The following SPON1 variants were observed in gnomAD, a reference collection of about 807,000 sequenced individuals.
The protein encoded by SPON1 is spondin 1.
In SPON1, 52 loss-of-function variants were observed where a neutral mutation model predicts 111.7. That is an observed-to-expected ratio of 0.47 (90% CI 0.37 to 0.59). The LOEUF (loss-of-function observed/expected upper bound fraction) is 0.59. SPON1 is among the 20% of genes least tolerant of loss of function. The probability of loss-of-function intolerance (pLI) is 0.00; values close to 1 mark genes in which losing one functional copy is unlikely to be tolerated. For synonymous variants in SPON1, 410 were observed against 395.8 expected, an observed-to-expected ratio of 1.04 and a Z score of -0.43; for missense variants, 957 against 1,068.5, an observed-to-expected ratio of 0.90 and a Z score of 1.46.
At chr11:13,968,122 T>C in intron 1 of SPON1, among the ~76,000 whole-genome samples, 1 of 152,224 alleles carries the variant, frequency 6.6e-6, no homozygotes, top group East Asian at 1.9e-4. Context: ...TCCATTTGCT[T>C]GTTATACAGA....
At chr11:14,042,338 T>C (rs1554917375) in intron 3 of SPON1, among the ~76,000 whole-genome samples, 3 of 152,030 alleles carry the variant, frequency 2.0e-5, no homozygotes, top group Non-Finnish European at 4.4e-5. Flanking sequence ...GTGTACTAGA[T>C]ACCCTTCTTA....
chr11:14,231,335 G>A (rs569399372), intron 6 of SPON1, among the ~76,000 whole-genome samples: 19 of 151,898 alleles, frequency 1.3e-4, no homozygotes, highest in East Asian at 3.9e-4. Flanking sequence ...GGGTTTTACC[G>A]TGTTAGCCAG....
chr11:14,214,961 T>C (rs1035100723), intron 6 of SPON1, among the ~76,000 whole-genome samples: 3 of 152,188 alleles, frequency 2.0e-5, no homozygotes, highest in Non-Finnish European at 1.5e-5. Context: ...AGTTTGGAGA[T>C]AGGTAATTCC....
In SPON1 at chr11:14,190,990, ACTT is replaced by A. The variant is rs1554934499; in HGVS notation, c.826-52341_826-52339del. 1.6e-3 allele frequency among the ~76,000 whole-genome samples: 236 copies of A among 152,010 alleles called. 2 individuals are homozygous for A. The highest frequency in any genetic ancestry group is 5.1e-3 in the African/African-American group (210 of 41,308). The stretch of plus-strand genomic sequence containing the variant: ...TGCTGAAAACAAAAAAGAAAAAAGC[ACTT>A]ACAATCCCATCACTTGGTATATAAA... On this transcript the variant is annotated intron_variant, in intron 6 of 15. Transcript: ENST00000576479.
chr11:14,157,192 A>T (rs1274187971), intron 6 of SPON1, among the ~76,000 whole-genome samples: 1 of 151,794 alleles, frequency 6.6e-6, no homozygotes, highest in Non-Finnish European at 1.5e-5. Flanking sequence ...TCCTTCTGGG[A>T]TGATTTCCTT....
intron 2 of SPON1, among the ~76,000 whole-genome samples, chr11:14,021,721 C>G (rs1848482722): frequency 6.6e-6 from 1 of 152,188 alleles, no homozygotes; most frequent in Admixed American, 6.5e-5. Flanking sequence ...TTTCCCAATT[C>G]CTGCTCTAGT....
intron 2 of SPON1, among the ~76,000 whole-genome samples, chr11:14,015,909 G>A (rs542387426): frequency 6.6e-6 from 1 of 152,270 alleles, no homozygotes; most frequent in Admixed American, 6.5e-5. Flanking sequence ...AGCAGGCTGG[G>A]GTAAGTTCAT....
chr11:14,177,479 G>A (rs1024751810), intron 6 of SPON1, among the ~76,000 whole-genome samples: 11 of 152,254 alleles, frequency 7.2e-5, no homozygotes, highest in African/African-American at 2.4e-4. Context: ...CAAGATCAAT[G>A]AGCCAGTTTA....
intron 5 of SPON1, among the ~76,000 whole-genome samples, chr11:14,129,699 A>G (rs1847504531): frequency 6.6e-6 from 1 of 152,160 alleles, no homozygotes; most frequent in African/African-American, 2.4e-5. Context: ...TTTGGGTACC[A>G]ATTTTCTATA....
At chr11:14,010,358 G>A (rs1250591192) in intron 2 of SPON1, among the ~76,000 whole-genome samples, 6 of 152,024 alleles carry the variant, frequency 3.9e-5, no homozygotes, top group African/African-American at 1.4e-4. Context: ...TGGGATTAAG[G>A]GCAGACTGGG....
chr11:14,227,901 A>T (rs1475460411), intron 6 of SPON1, among the ~76,000 whole-genome samples: 1 of 152,230 alleles, frequency 6.6e-6, no homozygotes, highest in Non-Finnish European at 1.5e-5. Flanking sequence ...ATACAAGCTC[A>T]CAAACACCCA....
chr11:14,048,210 G>C (rs1236701987), intron 3 of SPON1, among the ~76,000 whole-genome samples: 1 of 152,010 alleles, frequency 6.6e-6, no homozygotes, highest in Non-Finnish European at 1.5e-5. Flanking sequence ...TTGCACTCCA[G>C]CCTGGGCAAC....
intron 1 of SPON1, among the ~76,000 whole-genome samples, chr11:13,972,230 G>T (rs1554908663): frequency 6.6e-6 from 1 of 152,138 alleles, no homozygotes; most frequent in African/African-American, 2.4e-5. Flanking sequence ...AGCTTGCCAG[G>T]TCTTGTGTTT....
At chr11:14,188,673 G>A (rs1848312422) in intron 6 of SPON1, among the ~76,000 whole-genome samples, 1 of 152,114 alleles carries the variant, frequency 6.6e-6, no homozygotes, top group African/African-American at 2.4e-5. Context: ...ATGATGTGGA[G>A]GGAAGCTTAG....
At chr11:14,126,120 C>T (rs1171364431) in intron 5 of SPON1, among the ~76,000 whole-genome samples, 2 of 152,156 alleles carry the variant, frequency 1.3e-5, no homozygotes, top group Non-Finnish European at 2.9e-5. Flanking sequence ...TAGGGCCCAC[C>T]CACAATAGGG....
Position 14,078,984 on chromosome 11 carries a change from A to G in SPON1, c.554-915A>G, listed in dbSNP as rs74987783. Among the ~76,000 whole-genome samples, 1,237 of 152,318 alleles carry G rather than the reference A, an allele frequency of 8.1e-3. 14 individuals carry two copies. Among genetic ancestry groups the G allele is most frequent in the African/African-American group, 0.027 (1,132 of 41,560 alleles). On this transcript the variant is annotated intron_variant, in intron 4 of 15. Coordinates refer to ENST00000576479, the MANE Select transcript of SPON1 (RefSeq NM_006108.4). The stretch of plus-strand genomic sequence containing the variant: ...ATTCTTTGCCACTACTCTTTGTATA[A>G]TATTTAAGAATAAATGTCCAACTGC...
At chr11:14,047,464 G>A (rs1554917943) in intron 3 of SPON1, among the ~76,000 whole-genome samples, 1 of 152,050 alleles carries the variant, frequency 6.6e-6, no homozygotes, top group Non-Finnish European at 1.5e-5. Context: ...AAAGATTCAG[G>A]GTATAAACAA....
chr11:13,971,382 G>A (rs1456319187), intron 1 of SPON1, among the ~76,000 whole-genome samples: 1 of 152,188 alleles, frequency 6.6e-6, no homozygotes, highest in Non-Finnish European at 1.5e-5. Context: ...CTGAGTATCT[G>A]GAGAAGTAGG....
chr11:14,232,474 C>G (rs1591420490), intron 6 of SPON1, among the ~76,000 whole-genome samples: 1 of 152,282 alleles, frequency 6.6e-6, no homozygotes, highest in East Asian at 1.9e-4. Context: ...CCTGTAACCA[C>G]TAACCAGAGC....
Sources: gnomAD v4.1 joint callset for allele counts (sites outside exome capture counted in the v4.1 genomes callset) on GRCh38, gnomAD v4.1.1 for gene constraint, MANE v1.5 for transcripts, NCBI Gene and HGNC (gene_info 2026-07-23, HGNC 2026-07-21) for gene names.